TRDN: variants seen among roughly 807,000 people sequenced by gnomAD.
The protein encoded by TRDN is triadin, also known as triadin in skeletal muscle.
A neutral mutation model predicts 149.7 loss-of-function variants in TRDN; 161 were observed. That is an observed-to-expected ratio of 1.08 (90% CI 0.95 to 1.23). The LOEUF is 1.23. TRDN is among the 50% of genes most tolerant of loss of function. TRDN has a pLI of 0.00. For missense variants in TRDN, 896 were observed against 823.5 expected (o/e 1.09, Z -1.08); for synonymous variants, 294 against 250.5 (o/e 1.17, Z -1.64).
intron 2 of TRDN, among the ~76,000 whole-genome samples, chr6:123,569,381 C>A (rs1186213439): frequency 3.3e-5 from 5 of 152,262 alleles, no homozygotes; most frequent in African/African-American, 7.2e-5. Context: ...TTCTTCTGAG[C>A]AATCCAAACT....
intron 31 of TRDN, among the ~76,000 whole-genome samples, chr6:123,268,025 T>C (rs988746858): frequency 1.3e-5 from 2 of 152,228 alleles, no homozygotes; most frequent in South Asian, 2.1e-4. Context: ...TATAAGAGGA[T>C]AGAATATGGC....
At chr6:123,457,245 G>C (rs372430931) in intron 10 of TRDN, among the ~76,000 whole-genome samples, 3 of 146,708 alleles carry the variant, frequency 2.0e-5, no homozygotes, top group African/African-American at 7.4e-5. Flanking sequence ...CCTGTTTCCC[G>C]CATCATGGGG....
intron 10 of TRDN, among the ~76,000 whole-genome samples, chr6:123,455,488 G>A (rs1276250354): frequency 6.6e-6 from 1 of 151,844 alleles, no homozygotes; most frequent in African/African-American, 2.4e-5. Flanking sequence ...AGCGAGACGG[G>A]AGAAGGAAAA....
chr6:123,635,297 A>G (rs1786247984), intron 1 of TRDN, among the ~76,000 whole-genome samples: 1 of 149,640 alleles, frequency 6.7e-6, no homozygotes, highest in Admixed American at 6.7e-5. Context: ...TAAAGAGTAA[A>G]CCTGATATCC....
intron 1 of TRDN, among the ~76,000 whole-genome samples, chr6:123,592,937 T>A (rs1387153350): frequency 6.6e-6 from 1 of 152,228 alleles, no homozygotes; most frequent in Non-Finnish European, 1.5e-5. Context: ...CTTTCTTTTT[T>A]AATCTGATAA....
intron 1 of TRDN, among the ~76,000 whole-genome samples, chr6:123,605,838 A>G (rs1182864187): frequency 1.3e-5 from 2 of 152,124 alleles, no homozygotes; most frequent in East Asian, 3.9e-4. Context: ...ATTTATAACC[A>G]TAGTTTAATT....
intron 38 of TRDN, among the ~76,000 whole-genome samples, chr6:123,233,778 A>G (rs1775694337): frequency 1.3e-5 from 2 of 151,970 alleles, no homozygotes; most frequent in African/African-American, 4.8e-5. Flanking sequence ...TTTTAAATCC[A>G]AGCAAAAATA....
intron 1 of TRDN, among the ~76,000 whole-genome samples, chr6:123,586,855 G>A (rs1783514711): frequency 6.6e-6 from 1 of 151,880 alleles, no homozygotes; most frequent in Non-Finnish European, 1.5e-5. Context: ...AAAGGGGTCG[G>A]GGCACAGAGA....
intron 23 of TRDN, among the ~76,000 whole-genome samples, chr6:123,317,586 A>G (rs529862624): frequency 2.0e-5 from 3 of 151,974 alleles, no homozygotes; most frequent in Non-Finnish European, 4.4e-5. Context: ...TCTTTGGCAC[A>G]TATTTCTCCC....
At chr6:123,462,555 T>C (rs1008800126) in intron 10 of TRDN, among the ~76,000 whole-genome samples, 1 of 152,194 alleles carries the variant, frequency 6.6e-6, no homozygotes, top group Non-Finnish European at 1.5e-5. Flanking sequence ...AATAATCTAG[T>C]CTCTATATGA....
intron 10 of TRDN, chr6:123,456,696 T>C: frequency 2.4e-6 from 1 of 410,496 alleles, no homozygotes; most frequent in East Asian, 7.4e-5. Context: ...CTCTAACTCC[T>C]GAGCTGAAGC....
At chr6:123,567,715 G>T (rs1013349469) in intron 2 of TRDN, among the ~76,000 whole-genome samples, 1 of 152,056 alleles carries the variant, frequency 6.6e-6, no homozygotes, top group African/African-American at 2.4e-5. Context: ...AGTACCAAGG[G>T]AATTGGCTAA....
intron 12 of TRDN, among the ~76,000 whole-genome samples, chr6:123,426,744 A>G (rs1165037352): frequency 6.6e-6 from 1 of 152,096 alleles, no homozygotes; most frequent in Non-Finnish European, 1.5e-5. Context: ...TTGACCTTAT[A>G]TTCCAAAATT....
intron 1 of TRDN, among the ~76,000 whole-genome samples, chr6:123,581,364 T>G (rs1470250552): frequency 6.6e-6 from 1 of 152,142 alleles, no homozygotes; most frequent in Non-Finnish European, 1.5e-5. Context: ...TTATTCTGAC[T>G]TTTTTTATAG....
intron 32 of TRDN, among the ~76,000 whole-genome samples, chr6:123,266,393 G>T (rs1416735861): frequency 1.9e-5 from 2 of 104,294 alleles, no homozygotes; most frequent in Admixed American, 1.3e-4. Context: ...TATATATTAT[G>T]ATATGTATTA....
At chr6:123,532,833 A>G (rs935471115) in intron 4 of TRDN, among the ~76,000 whole-genome samples, 3 of 150,236 alleles carry the variant, frequency 2.0e-5, no homozygotes, top group Non-Finnish European at 4.5e-5. Flanking sequence ...TTATATTACT[A>G]CTAGACAGGT....
chr6:123,337,692 A>T, intron 21 of TRDN, 23 bp from the exon 22 acceptor site: 1 of 1,398,864 alleles, frequency 7.1e-7, no homozygotes, highest in Admixed American at 2.5e-5. Context: ...TCATGGGAAG[A>T]AAAAGTTACA....
At chr6:123,315,879 T>C (rs1779003711) in intron 24 of TRDN, among the ~76,000 whole-genome samples, 1 of 151,898 alleles carries the variant, frequency 6.6e-6, no homozygotes, top group Non-Finnish European at 1.5e-5. Context: ...AACCTGTTTT[T>C]AGAAAGTCTA....
At chr6:123,523,121 A>G (rs1779770483) in intron 5 of TRDN, among the ~76,000 whole-genome samples, 1 of 152,170 alleles carries the variant, frequency 6.6e-6, no homozygotes, top group South Asian at 2.1e-4. Flanking sequence ...AAATGCCCCC[A>G]GTGAAGAACA....
Sources: gnomAD v4.1 joint callset for allele counts (sites outside exome capture counted in the v4.1 genomes callset) on GRCh38, gnomAD v4.1.1 for gene constraint, MANE v1.5 for transcripts, NCBI Gene and HGNC (gene_info 2026-07-23, HGNC 2026-07-21) for gene names.